The following CLPB variants were observed in gnomAD, a reference collection of about 807,000 sequenced individuals.
The protein encoded by CLPB is ClpB family mitochondrial disaggregase.
A neutral mutation model predicts 78.4 loss-of-function variants in CLPB; 40 were observed. The ratio of observed to expected loss-of-function variants is 0.51; its 90% CI spans 0.40 to 0.66. The LOEUF is 0.66. Ranked by LOEUF, CLPB falls within the 30% of genes least tolerant of loss-of-function variation. The pLI is 0.00. For missense variants in CLPB, 780 were observed against 886.9 expected, an observed-to-expected ratio of 0.88 and a Z score of 1.53; for synonymous variants, 333 against 348.0, an observed-to-expected ratio of 0.96 and a Z score of 0.48.
intron 4 of CLPB, among the ~76,000 whole-genome samples, chr11:72,359,787 C>T (rs1333262443): frequency 2.6e-5 from 4 of 152,098 alleles, no homozygotes; most frequent in Non-Finnish European, 2.9e-5. Flanking sequence ...ACCCTTATTA[C>T]CTGTAAACAT....
intron 6 of CLPB, among the ~76,000 whole-genome samples, chr11:72,328,113 G>C (rs1017463642): frequency 6.6e-6 from 1 of 152,148 alleles, no homozygotes; most frequent in African/African-American, 2.4e-5. Flanking sequence ...CCAATGAATA[G>C]TGAGTGGAAG....
chr11:72,329,900 G>T, intron 5 of CLPB, 96 bp from the exon 6 acceptor site: 1 of 894,908 alleles, frequency 1.1e-6, no homozygotes. Context: ...TTTCTATGTT[G>T]GGAATGTCCA....
At chr11:72,393,044 G>C (rs1287612410) in intron 3 of CLPB, among the ~76,000 whole-genome samples, 1 of 152,218 alleles carries the variant, frequency 6.6e-6, no homozygotes. Context: ...GGTGAACCCA[G>C]ACAGAGGTGA....
At chr11:72,430,571 C>T in intron 1 of CLPB, 2 of 565,474 alleles carry the variant, frequency 3.5e-6, no homozygotes, top group Admixed American at 3.2e-5. Context: ...CTTTCTACTA[C>T]AGAGCCCAAA....
chr11:72,354,277 G>GTATATA (rs57178829), intron 5 of CLPB: 37 of 375,496 alleles, frequency 9.9e-5, no homozygotes, highest in South Asian at 9.6e-4. Flanking sequence ...GTGTGTGTGT[G>GTATATA]TATATATATA....
rs776889452 is a variant in CLPB at position 72,408,193 on chromosome 11, A to T, written c.456-5141T>A. 24 of 1,535,406 alleles carry T rather than the reference A, an allele frequency of 1.6e-5. No individual in the cohort carries two copies. In the South Asian group the frequency reaches 2.7e-4, roughly 18 times the overall value. ...TTCTTGACTGAGCATCATTCTTTGC[A>T]GTCTCTTGGGGCTGAGGTATAATGG... On this transcript the variant is annotated intron_variant, in intron 2 of 15. Coordinates refer to ENST00000538039, the MANE Select transcript of CLPB (RefSeq NM_001258392.3).
intron 3 of CLPB, among the ~76,000 whole-genome samples, chr11:72,387,663 A>T (rs903133770): frequency 1.3e-5 from 2 of 152,052 alleles, no homozygotes; most frequent in Non-Finnish European, 2.9e-5. Flanking sequence ...ACACATTAAA[A>T]AAAAAAAAGC....
At position 72,434,344 on chromosome 11, in the gene CLPB, T is replaced by G. The variant is rs148481246; in HGVS notation, c.131A>C (p.Glu44Ala). 135 of 1,611,366 alleles carry G rather than the reference T, an allele frequency of 8.4e-5. No individual in the cohort carries two copies. Among genetic ancestry groups the G allele is most frequent in the Non-Finnish European group, 4.2e-5 (50 of 1,179,456 alleles). The change falls in exon 1 of 16, where the codon GAG becomes GCG. Residue 44 changes from glutamate to alanine, a missense_variant. Physicochemically the swap from Glu to Ala is moderately radical, Grantham distance 107. Transcript: ENST00000538039. ...GRNVTTGSLG[E>A]PQWLRVATGG... is the part of the protein sequence containing the mutation. ...GGTGGCTACCCTCAGCCACTGCGGCTCCCCGAGACTCCCAGTAGTCACATT... is the reference window on the plus strand; with the variant it reads ...GGTGGCTACCCTCAGCCACTGCGGCGCCCCGAGACTCCCAGTAGTCACATT...
chr11:72,391,053 C>G (rs1855240746), intron 3 of CLPB, among the ~76,000 whole-genome samples: 1 of 152,242 alleles, frequency 6.6e-6, no homozygotes, highest in Non-Finnish European at 1.5e-5. Flanking sequence ...GAAGTCCTAT[C>G]TCTTTTATTT....
At position 72,360,149 on chromosome 11, in the gene CLPB, T is replaced by C. The variant is rs75998144; in HGVS notation, c.647-1141A>G. 6.2e-4 allele frequency among the ~76,000 whole-genome samples: 95 copies of C among 152,340 alleles called. 1 individual carries two copies. In the East Asian group the frequency reaches 0.017, roughly 27 times the overall value. On this transcript the variant is annotated intron_variant, in intron 4 of 15. Transcript: ENST00000538039. ...CCCATGTGAAAGTTATCCAGGCAACTGTCTTACATTCCCTCCTGAGCTGAG... is the reference window on the plus strand; with the variant it reads ...CCCATGTGAAAGTTATCCAGGCAACCGTCTTACATTCCCTCCTGAGCTGAG...
chr11:72,346,564 A>G (rs1474752237), intron 5 of CLPB, among the ~76,000 whole-genome samples: 1 of 151,850 alleles, frequency 6.6e-6, no homozygotes, highest in African/African-American at 2.4e-5. Flanking sequence ...CATTATGTAG[A>G]AAAATAAGAA....
chr11:72,384,803 G>T (rs1459403352), intron 3 of CLPB, among the ~76,000 whole-genome samples: 1 of 152,044 alleles, frequency 6.6e-6, no homozygotes, highest in African/African-American at 2.4e-5. Context: ...GACAAAGAAG[G>T]TCATTATATA....
At chr11:72,415,763 G>T (rs761026879) in intron 2 of CLPB, among the ~76,000 whole-genome samples, 1 of 152,168 alleles carries the variant, frequency 6.6e-6, no homozygotes, top group Admixed American at 6.5e-5. Context: ...GGAGTGTAAC[G>T]CAGCTGCCAA....
In CLPB at chr11:72,294,397, G is replaced by T; in HGVS notation, c.1608C>A (p.Val536=). 4 of 1,614,240 alleles carry T rather than the reference G, an allele frequency of 2.5e-6. No homozygotes were observed. The highest frequency in any genetic ancestry group is 3.4e-6 in the Non-Finnish European group (4 of 1,180,048). Residue 536 remains valine, a synonymous_variant, in exon 14 of 16, where the codon GTC becomes GTA. Transcript: ENST00000538039. The part of the protein sequence containing the change: ...DEFLGRINEI[V]YFLPFCHSEL... Reference sequence around the variant, plus strand: ...CCGAGTGGCAGAAGGGGAGGAAGTAGACGATCTCATTGATCCGTCCCAGAA... The same window carrying T: ...CCGAGTGGCAGAAGGGGAGGAAGTATACGATCTCATTGATCCGTCCCAGAA...
chr11:72,398,355 C>T (rs756768573), intron 3 of CLPB, among the ~76,000 whole-genome samples: 1 of 152,190 alleles, frequency 6.6e-6, no homozygotes, highest in African/African-American at 2.4e-5. Context: ...GCACCACACA[C>T]GAACTGGGTG....
Position 72,312,616 on chromosome 11 carries a change from C to A in CLPB, c.989-4012G>T, listed in dbSNP as rs1019685098. On this transcript the variant is annotated intron_variant, in intron 7 of 15. Coordinates refer to ENST00000538039, the MANE Select transcript of CLPB (RefSeq NM_001258392.3). The surrounding 1 kb of genome is among the most constrained non-coding windows in gnomAD (Gnocchi z 4.2). The stretch of plus-strand genomic sequence containing the variant: ...GGGAGAAAGAACAGGTACTTCAACT[C>A]ATTTTACAGAGAAGAGGAGAAGAGT... 2.0e-5 allele frequency among the ~76,000 whole-genome samples: 3 copies of A among 152,170 alleles called. No homozygotes were observed. The highest frequency in any genetic ancestry group is 4.4e-5 in the Non-Finnish European group (3 of 68,028).
intron 9 of CLPB, among the ~76,000 whole-genome samples, chr11:72,306,371 G>T (rs1322212387): frequency 6.6e-6 from 1 of 152,216 alleles, no homozygotes; most frequent in Non-Finnish European, 1.5e-5. Flanking sequence ...GGCCAGGGAG[G>T]CTTTCCTTAG....
intron 6 of CLPB, among the ~76,000 whole-genome samples, chr11:72,328,654 G>A (rs1445663501): frequency 6.6e-6 from 1 of 152,136 alleles, no homozygotes; most frequent in Non-Finnish European, 1.5e-5. Flanking sequence ...GCCAATTTGT[G>A]GATAACAGAC....
intron 2 of CLPB, among the ~76,000 whole-genome samples, chr11:72,429,626 C>T (rs1856487987): frequency 1.3e-5 from 2 of 152,222 alleles, no homozygotes; most frequent in Admixed American, 1.3e-4. Context: ...AGACCTCTGC[C>T]CTTAACCAAC....
Sources: gnomAD v4.1 joint callset for allele counts (sites outside exome capture counted in the v4.1 genomes callset) on GRCh38, gnomAD v4.1.1 for gene constraint, Gnocchi (gnomAD v3.1) non-coding constraint, MANE v1.5 for transcripts, NCBI Gene and HGNC (gene_info 2026-07-23, HGNC 2026-07-21) for gene names.